RASD2: variants seen among roughly 807,000 people sequenced by gnomAD.
The protein encoded by RASD2 is RASD family member 2, also known as GTP-binding protein Rhes.
A neutral mutation model predicts 15.8 loss-of-function variants in RASD2; 7 were observed. The ratio of observed to expected loss-of-function variants is 0.44; its 90% confidence interval spans 0.25 to 0.83. The LOEUF (loss-of-function observed/expected upper bound fraction) is 0.83. Ranked by LOEUF, RASD2 falls within the 40% of genes least tolerant of loss-of-function variation. The probability of loss-of-function intolerance (pLI) is 0.20; values close to 1 mark genes in which losing one functional copy is unlikely to be tolerated. For synonymous variants in RASD2, 155 were observed against 153.6 expected (o/e 1.01, Z -0.07); for missense variants, 274 against 382.8 (o/e 0.72, Z 2.37).
At chr22:35,540,309 G>A (rs1934308066), upstream of RASD2, among the ~76,000 whole-genome samples, 1 of 151,388 alleles carries the variant, frequency 6.6e-6, no homozygotes, top group Admixed American at 6.6e-5. Context: ...CGCCTTCTGG[G>A]CAAGGTGCGC....
Position 35,551,545 on chromosome 22 carries a change from C to G in RASD2, c.314C>G (p.Ser105Cys). ...ILVFSLDNRE[S>C]FDEVKRLQKQ... ...GTGTTCAGCCTGGATAACCGGGAGT[C>G]CTTCGATGAGGTCAAGCGCCTTCAG... Residue 105 changes from serine (S) to cysteine (C), a missense_variant, in exon 3 of 3, where the codon TCC becomes TGC. Coordinates refer to ENST00000216127, the MANE Select transcript of RASD2 (RefSeq NM_014310.4). The surrounding 1 kb of genome is among the most constrained non-coding windows in gnomAD (Gnocchi z 4.9). The G allele has an allele frequency of 6.2e-7, 1 of 1,613,638 alleles. No individual in the cohort carries two copies. The highest frequency in any genetic ancestry group is 8.5e-7 in the Non-Finnish European group (1 of 1,179,658).
Position 35,552,090 on chromosome 22 carries a change from C to T in RASD2, c.*58C>T. The T allele has an allele frequency of 6.5e-7, 1 of 1,534,956 alleles. No individual in the cohort carries two copies. The highest frequency in any genetic ancestry group is 1.2e-5 in the South Asian group (1 of 82,950). The stretch of plus-strand genomic sequence containing the variant: ...CCTTCAGGGAGGTGGCCCCAGATGC[C>T]CACTGTGCGCATCTCCCCACCGAGG... On this transcript the variant is annotated 3_prime_UTR_variant, in exon 3 of 3. Coordinates refer to ENST00000216127, the MANE Select transcript of RASD2 (RefSeq NM_014310.4).
At chr22:35,536,600 C>T (rs1039863741), upstream of RASD2, among the ~76,000 whole-genome samples, 3 of 152,220 alleles carry the variant, frequency 2.0e-5, no homozygotes, top group African/African-American at 7.2e-5. Flanking sequence ...GCTGGGATTA[C>T]AGGCGTGAGC....
At chr22:35,549,250 T>C (rs1934596545) in intron 2 of RASD2, among the ~76,000 whole-genome samples, 1 of 152,224 alleles carries the variant, frequency 6.6e-6, no homozygotes, top group South Asian at 2.1e-4. Flanking sequence ...ATCCCCACAA[T>C]GGAGAGTATT....
chr22:35,538,431 G>A (rs1416886097), upstream of RASD2, among the ~76,000 whole-genome samples: 1 of 152,104 alleles, frequency 6.6e-6, no homozygotes, highest in Non-Finnish European at 1.5e-5. Context: ...GGTCTGATGA[G>A]GGATGATAAA....
intron 1 of RASD2, among the ~76,000 whole-genome samples, chr22:35,543,911 C>T (rs1934422516): frequency 6.6e-6 from 1 of 151,156 alleles, no homozygotes; most frequent in Non-Finnish European, 1.5e-5. Context: ...CTCACTGCCT[C>T]CTCTCTCTGA....
rs755043477 is a variant in RASD2, at chr22:35,551,813, C to A, written c.582C>A (p.His194Gln). Residue 194 changes from histidine to glutamine, a missense_variant, in exon 3 of 3, where the codon CAC becomes CAA. Physicochemically the swap from His to Gln is conservative, Grantham distance 24. Transcript: ENST00000216127. The surrounding 1 kb of genome is among the most constrained non-coding windows in gnomAD (Gnocchi z 4.9). Reference protein sequence around the residue: ...YVLFSMAKLPHEMSPALHRKI... With the variant: ...YVLFSMAKLPQEMSPALHRKI... Reference sequence around the variant, plus strand: ...TCTTCAGCATGGCCAAGCTGCCACACGAGATGAGCCCCGCCCTGCATCGCA... The same window carrying A: ...TCTTCAGCATGGCCAAGCTGCCACAAGAGATGAGCCCCGCCCTGCATCGCA... 2 of 1,614,170 alleles carry A rather than the reference C, an allele frequency of 1.2e-6. No homozygotes were observed. Among genetic ancestry groups the A allele is most frequent in the Admixed American group, 3.3e-5 (2 of 60,024 alleles).
intron 1 of RASD2, among the ~76,000 whole-genome samples, chr22:35,544,627 G>A (rs988402308): frequency 2.0e-5 from 3 of 152,258 alleles, no homozygotes; most frequent in Non-Finnish European, 4.4e-5. Flanking sequence ...TTAGGTGGGA[G>A]CTGGGTGGGG....
chr22:35,542,617 C>G (rs1326675239), intron 1 of RASD2, among the ~76,000 whole-genome samples: 2 of 152,186 alleles, frequency 1.3e-5, no homozygotes, highest in Non-Finnish European at 2.9e-5. Context: ...CCAGTGATGG[C>G]AATGTGCGTG....
chr22:35,536,679 G>T (rs772065212), upstream of RASD2, among the ~76,000 whole-genome samples: 2 of 152,130 alleles, frequency 1.3e-5, no homozygotes, highest in African/African-American at 2.4e-5. Context: ...CTATGGTATC[G>T]CCAACTTCAA....
At position 35,551,753 on chromosome 22, in the gene RASD2, G is replaced by A. The variant is rs1183828402; in HGVS notation, c.522G>A (p.Lys174=). The change falls in exon 3 of 3, where the codon AAG becomes AAA. Residue 174 remains lysine (K), a synonymous_variant. Transcript: ENST00000216127. This position sits in a 1 kb window ranked among gnomAD's most constrained non-coding sequence, Gnocchi z 4.9. The stretch of plus-strand genomic sequence containing the variant: ...GCGCCTACTTCGAGGTGTCGGCCAA[G>A]AAGAACACCAACGTGGACGAGATGT... The part of the protein sequence containing the change: ...ENCAYFEVSA[K]KNTNVDEMFY... The A allele has an allele frequency of 6.2e-7, 1 of 1,614,090 alleles. No homozygotes were observed.
At chr22:35,537,092 C>T (rs888592287), upstream of RASD2, among the ~76,000 whole-genome samples, 2 of 152,062 alleles carry the variant, frequency 1.3e-5, no homozygotes, top group African/African-American at 4.8e-5. Context: ...GCTTTTTTTC[C>T]TATTGGAATA....
At chr22:35,545,064 A>T (rs917312822) in intron 1 of RASD2, among the ~76,000 whole-genome samples, 1 of 152,092 alleles carries the variant, frequency 6.6e-6, no homozygotes. Flanking sequence ...TCCCTTTGTG[A>T]TTCATTCATC....
intron 1 of RASD2, among the ~76,000 whole-genome samples, chr22:35,542,698 G>T (rs1934384263): frequency 6.6e-6 from 1 of 152,232 alleles, no homozygotes; most frequent in Non-Finnish European, 1.5e-5. Context: ...CAGTGAAACA[G>T]GCTCTGGGGC....
chr22:35,539,977 T>C (rs1934300317), upstream of RASD2, among the ~76,000 whole-genome samples: 1 of 152,308 alleles, frequency 6.6e-6, no homozygotes, highest in Non-Finnish European at 1.5e-5. Flanking sequence ...CGAAGACCTC[T>C]GGCTACTAAG....
At chr22:35,546,002 T>C (rs7290294) in intron 1 of RASD2, among the ~76,000 whole-genome samples, 3 of 151,708 alleles carry the variant, frequency 2.0e-5, no homozygotes, top group East Asian at 1.9e-4. Context: ...ACCCTTGGAG[T>C]TGGGAGGGAA....
chr22:35,535,643 G>A, the RASD2 span, among the ~76,000 whole-genome samples: 1 of 152,170 alleles, frequency 6.6e-6, no homozygotes, highest in Non-Finnish European at 1.5e-5. Context: ...CTAGGAGCCT[G>A]CTGGCAATCC....
At chr22:35,534,461 A>G in the RASD2 span, among the ~76,000 whole-genome samples, 5 of 152,346 alleles carry the variant, frequency 3.3e-5, no homozygotes, top group East Asian at 9.6e-4. Flanking sequence ...GGTCTGGCTA[A>G]AATGGGTCCA....
chr22:35,548,700 T>G (rs1934578364), intron 2 of RASD2, among the ~76,000 whole-genome samples: 1 of 152,248 alleles, frequency 6.6e-6, no homozygotes, highest in Non-Finnish European at 1.5e-5. Flanking sequence ...AGTCAAGTTC[T>G]CCGCTCCACC....
Sources: allele counts gnomAD v4.1 joint callset (sites outside exome capture counted in the v4.1 genomes callset), GRCh38; gene constraint gnomAD v4.1.1; non-coding constraint Gnocchi (gnomAD v3.1); transcripts MANE v1.5; gene names NCBI Gene and HGNC (gene_info 2026-07-23, HGNC 2026-07-21).